Variants in PLAC1 observed in about 807,000 individuals in gnomAD.
PLAC1 encodes the protein placenta-specific protein 1.
For synonymous variants in PLAC1, 68 were observed against 62.1 expected (o/e 1.09, Z -0.44); for missense variants, 136 against 163.2 (o/e 0.83, Z 0.91).
intron 1 of PLAC1, among the ~76,000 whole-genome samples, chrX:134,609,087 C>T (rs1037170687): frequency 9.0e-6 from 1 of 111,101 alleles, no homozygotes; most frequent in Non-Finnish European, 1.9e-5. Flanking sequence ...ATCCTCCTTC[C>T]TCAGCCTCTC....
At chrX:134,700,997 G>C (rs1291833650) in intron 2 of PLAC1, among the ~76,000 whole-genome samples, 1 of 111,623 alleles carries the variant, frequency 9.0e-6, no homozygotes, top group African/African-American at 3.3e-5. Context: ...TACACAAAAA[G>C]GATAAAGCCA....
At chrX:134,652,651 C>T (rs1297696253) in intron 1 of PLAC1, among the ~76,000 whole-genome samples, 1 of 112,040 alleles carries the variant, frequency 8.9e-6, no homozygotes, top group Admixed American at 9.5e-5. Context: ...GGCCAAGTTA[C>T]TTAATCTCTC....
intron 1 of PLAC1, among the ~76,000 whole-genome samples, chrX:134,756,916 G>A (rs925494314): frequency 9.0e-6 from 1 of 110,659 alleles, no homozygotes; most frequent in Non-Finnish European, 1.9e-5. Flanking sequence ...GCTTTGTTTT[G>A]TTGATCTGTC....
chrX:134,756,610 G>A (rs775284753), intron 1 of PLAC1, among the ~76,000 whole-genome samples: 1 of 110,575 alleles, frequency 9.0e-6, no homozygotes, highest in Non-Finnish European at 1.9e-5. Context: ...AGCACTTTGG[G>A]AGGCCGAGAC....
At chrX:134,573,281 A>G (rs2077919182) in intron 2 of PLAC1, among the ~76,000 whole-genome samples, 1 of 112,194 alleles carries the variant, frequency 8.9e-6, no homozygotes, top group African/African-American at 3.2e-5. Context: ...GGACATCCCA[A>G]ATGTATGCCC....
At position 134,655,146 on chromosome X, in the gene PLAC1, CTGT is replaced by C. The variant is rs765273046; in HGVS notation, c.-131+3179_-131+3181del. Among the ~76,000 whole-genome samples, 31 of 111,243 alleles carry C rather than the reference CTGT, an allele frequency of 2.8e-4. No individual in the cohort carries two copies. In the East Asian group the frequency reaches 7.5e-3, roughly 27 times the overall value. ...AAGGTTCCCCCCATACCCTTTTTTA[CTGT>C]TGTTGTTGTTGTTTTTTACAATGTT... On this transcript the variant is annotated intron_variant, in intron 1 of 2. Coordinates refer to ENST00000359237, the MANE Select transcript of PLAC1 (RefSeq NM_021796.4).
At chrX:134,610,311 T>C (rs1039007124) in intron 1 of PLAC1, among the ~76,000 whole-genome samples, 1 of 111,175 alleles carries the variant, frequency 9.0e-6, no homozygotes, top group African/African-American at 3.3e-5. Context: ...ATGTTAGTGT[T>C]GATGCTTTCA....
intron 2 of PLAC1, among the ~76,000 whole-genome samples, chrX:134,567,342 T>C (rs1005866712): frequency 3.6e-5 from 4 of 112,535 alleles, no homozygotes; most frequent in Non-Finnish European, 7.5e-5. Context: ...TTATGACCAA[T>C]AGAGTCCCTG....
intron 1 of PLAC1, among the ~76,000 whole-genome samples, chrX:134,742,524 G>T (rs1242990360): frequency 2.7e-5 from 3 of 111,114 alleles, no homozygotes; most frequent in African/African-American, 9.8e-5. Flanking sequence ...GGAGGCGGAG[G>T]TTGCAGTGAG....
chrX:134,654,885 C>A (rs913124101), intron 1 of PLAC1, among the ~76,000 whole-genome samples: 1 of 112,515 alleles, frequency 8.9e-6, no homozygotes, highest in Non-Finnish European at 1.9e-5. Flanking sequence ...TTGGTCACCA[C>A]TCCCTAGTGG....
chrX:134,761,146 C>T (rs999358274), intron 1 of PLAC1, among the ~76,000 whole-genome samples: 2 of 110,489 alleles, frequency 1.8e-5, no homozygotes, highest in Non-Finnish European at 3.8e-5. Context: ...ATGTAGTAAT[C>T]GCTCATACAA....
rs771304886 is a variant in PLAC1 at position 134,635,667 on chromosome X, C to T, written c.-131+22661G>A. Among the ~76,000 whole-genome samples the T allele has an allele frequency of 7.2e-5, 8 of 111,704 alleles. No individual in the cohort carries two copies. The East Asian group carries it at 8.5e-4, about 12-fold the overall frequency. On this transcript the variant is annotated intron_variant, in intron 1 of 2. Transcript: ENST00000359237. Reference sequence around the variant, plus strand: ...GTTTCTCTCCAAACTTCACCTTATCCGTGGAAGCTTTTCTGCAAAAACTTC... The same window carrying T: ...GTTTCTCTCCAAACTTCACCTTATCTGTGGAAGCTTTTCTGCAAAAACTTC...
intron 1 of PLAC1, among the ~76,000 whole-genome samples, chrX:134,621,856 T>C (rs1268820713): frequency 3.6e-5 from 4 of 111,761 alleles, no homozygotes; most frequent in Admixed American, 9.6e-5. Context: ...AGTTGTCCAA[T>C]GGCCGTGTGG....
At chrX:134,674,950 C>T (rs2078468199) in intron 2 of PLAC1, among the ~76,000 whole-genome samples, 1 of 112,446 alleles carries the variant, frequency 8.9e-6, no homozygotes, top group Non-Finnish European at 1.9e-5. Context: ...ATTGAGAAAA[C>T]ACTCGTTCTT....
intron 2 of PLAC1, among the ~76,000 whole-genome samples, chrX:134,670,654 A>C (rs916276240): frequency 9.0e-6 from 1 of 111,524 alleles, no homozygotes; most frequent in Admixed American, 9.5e-5. Flanking sequence ...GGAACACAGA[A>C]TGACTGGTCA....
chrX:134,594,989 A>G (rs1008025173), intron 2 of PLAC1, among the ~76,000 whole-genome samples: 2 of 108,283 alleles, frequency 1.8e-5, no homozygotes, highest in African/African-American at 6.7e-5. Context: ...CTAATGTATA[A>G]TTTAGTGATA....
chrX:134,676,887 G>A (rs929405607), intron 2 of PLAC1, among the ~76,000 whole-genome samples: 20 of 111,937 alleles, frequency 1.8e-4, no homozygotes, highest in African/African-American at 6.2e-4. Context: ...TTCCTGCCTG[G>A]GTGGCCTTGG....
intron 2 of PLAC1, among the ~76,000 whole-genome samples, chrX:134,569,179 CCTT>C (rs1310615949): frequency 4.5e-5 from 5 of 111,334 alleles, no homozygotes; most frequent in South Asian, 7.6e-4. Flanking sequence ...TTCCTGTACT[CCTT>C]CTCCTCCTTC....
intron 2 of PLAC1, among the ~76,000 whole-genome samples, chrX:134,592,172 G>T (rs2078041842): frequency 8.9e-6 from 1 of 111,968 alleles, no homozygotes; most frequent in African/African-American, 3.2e-5. Context: ...TCCTTTCATG[G>T]ATTGTGCTTT....
Sources: allele counts gnomAD v4.1 joint callset (sites outside exome capture counted in the v4.1 genomes callset), GRCh38; gene constraint gnomAD v4.1.1; transcripts MANE v1.5; gene names NCBI Gene and HGNC (gene_info 2026-07-23, HGNC 2026-07-21).